Variants in ABCB4 observed in about 807,000 individuals in gnomAD.
ABCB4 encodes the protein phosphatidylcholine translocator ABCB4.
In ABCB4, 76 loss-of-function variants were observed where a neutral mutation model predicts 145.7. The ratio of observed to expected loss-of-function variants is 0.52; its 90% CI spans 0.43 to 0.63. The LOEUF is 0.63. Ranked by LOEUF, ABCB4 falls within the 30% of genes least tolerant of loss-of-function variation. The pLI, the probability that ABCB4 is intolerant of heterozygous loss-of-function variation, is 0.00. For missense variants in ABCB4, 1,234 were observed against 1,553.1 expected (o/e 0.79, Z 3.45); for synonymous variants, 517 against 566.8 (o/e 0.91, Z 1.25).
chr7:87,409,207 C>G, intron 24 of ABCB4, 29 bp downstream of exon 24: 1 of 1,613,570 alleles, frequency 6.2e-7, no homozygotes, highest in East Asian at 2.2e-5. Context: ...AAAAATTGAT[C>G]AAGCATCATC....
the ABCB4 span, among the ~76,000 whole-genome samples, chr7:87,385,841 A>C: frequency 1.3e-5 from 2 of 152,088 alleles, no homozygotes; most frequent in African/African-American, 4.8e-5. Context: ...TATTGTTTTG[A>C]TGTATATTTC....
At chr7:87,457,852 A>T (rs893345407) in intron 4 of ABCB4, among the ~76,000 whole-genome samples, 2 of 152,212 alleles carry the variant, frequency 1.3e-5, no homozygotes, top group African/African-American at 4.8e-5. Context: ...TCTCAAAGTA[A>T]ATCAATGTCT....
At position 87,403,294 on chromosome 7, in the gene ABCB4, C is replaced by A; in HGVS notation, c.3487-13G>T. 1 of 1,610,772 alleles carries A rather than the reference C, an allele frequency of 6.2e-7. No homozygotes were observed. The highest frequency in any genetic ancestry group is 8.5e-7 in the Non-Finnish European group (1 of 1,177,070). ...TTGTTTCATATTTCTGCAAGTTAAC[C>A]AAATTATAAATATGTTGAATGAACT... On this transcript the variant is annotated splice_polypyrimidine_tract_variant and intron_variant, in intron 26 of 27. Transcript: ENST00000649586.
chr7:87,421,216 A>G (rs1809394679), intron 18 of ABCB4, among the ~76,000 whole-genome samples: 1 of 152,226 alleles, frequency 6.6e-6, no homozygotes, highest in African/African-American at 2.4e-5. Flanking sequence ...TGCCGAGGGC[A>G]CACGGGGGAG....
chr7:87,454,750 G>A (rs936791427), intron 4 of ABCB4, among the ~76,000 whole-genome samples, 158 bp from the exon 5 acceptor site: 1 of 152,156 alleles, frequency 6.6e-6, no homozygotes, highest in African/African-American at 2.4e-5. Flanking sequence ...ACACTTAAGT[G>A]CATTCTTTTC....
the ABCB4 span, among the ~76,000 whole-genome samples, chr7:87,366,454 T>A: frequency 6.6e-6 from 1 of 152,184 alleles, no homozygotes; most frequent in Non-Finnish European, 1.5e-5. Flanking sequence ...TTAGCTCCAG[T>A]GCCTGTCTTT....
chr7:87,440,904 C>T (rs45560434), intron 12 of ABCB4, among the ~76,000 whole-genome samples: 1 of 152,062 alleles, frequency 6.6e-6, no homozygotes, highest in African/African-American at 2.4e-5. Context: ...CCATGCCCGG[C>T]TAATTTTCTG....
intron 7 of ABCB4, 31 bp from the exon 8 acceptor site, chr7:87,450,123 G>A (rs1811613878): frequency 1.2e-6 from 2 of 1,612,998 alleles, no homozygotes; most frequent in African/African-American, 2.7e-5. Context: ...GATCACTTTT[G>A]TATAGGGAGA....
At chr7:87,430,996 G>A (rs928490130) in intron 15 of ABCB4, among the ~76,000 whole-genome samples, 5 of 152,082 alleles carry the variant, frequency 3.3e-5, no homozygotes, top group East Asian at 3.8e-4. Context: ...TGGAAAAGGC[G>A]GTCACTTGTC....
chr7:87,472,577 G>T, intron 3 of ABCB4, 44 bp downstream of exon 3: 2 of 1,500,314 alleles, frequency 1.3e-6, no homozygotes, highest in South Asian at 2.3e-5. Context: ...CCTCAAATTT[G>T]AATAAAAGGT....
intron 16 of ABCB4, among the ~76,000 whole-genome samples, 185 bp from the exon 17 acceptor site, chr7:87,424,237 T>C (rs903108632): frequency 1.3e-5 from 2 of 152,176 alleles, no homozygotes; most frequent in Non-Finnish European, 2.9e-5. Flanking sequence ...TGATTACACA[T>C]CATAAGCTGA....
At chr7:87,431,367 G>A (rs1810208006) in intron 15 of ABCB4, 37 bp downstream of exon 15, 1 of 1,613,270 alleles carries the variant, frequency 6.2e-7, no homozygotes, top group Non-Finnish European at 8.5e-7. Context: ...CTATATTGAG[G>A]AGCAAATAGC....
At chr7:87,429,344 A>T (rs1234331772) in intron 15 of ABCB4, among the ~76,000 whole-genome samples, 1 of 152,232 alleles carries the variant, frequency 6.6e-6, no homozygotes, top group African/African-American at 2.4e-5. Flanking sequence ...ACAAAACCCA[A>T]TTTGGTTAAA....
intron 27 of ABCB4, among the ~76,000 whole-genome samples, 171 bp downstream of exon 27, chr7:87,402,964 C>T (rs1407032102): frequency 6.6e-6 from 1 of 152,166 alleles, no homozygotes; most frequent in Non-Finnish European, 1.5e-5. Flanking sequence ...CGCCACTGCA[C>T]TACAGCCTAG....
the ABCB4 span, among the ~76,000 whole-genome samples, chr7:87,379,910 G>A: frequency 2.6e-5 from 4 of 152,146 alleles, no homozygotes; most frequent in East Asian, 7.7e-4. Flanking sequence ...CAGCAGTTCA[G>A]CACCAGCTTG....
At chr7:87,380,481 T>A in the ABCB4 span, among the ~76,000 whole-genome samples, 1 of 72,708 alleles carries the variant, frequency 1.4e-5, no homozygotes, top group Non-Finnish European at 3.7e-5. Context: ...ATGAGGCAGT[T>A]TAATTAGAAA....
rs45569244 is a variant in ABCB4 at position 87,419,421 on chromosome 7, T to C, written c.2394+577A>G. 1.0e-3 allele frequency among the ~76,000 whole-genome samples: 156 copies of C among 152,294 alleles called. 1 individual carries two copies. The East Asian group carries it at 0.028, about 28-fold the overall frequency. ...TATGTCAGGCACTAGAATGTGAACT[T>C]ACGAGGAGAGCAAATAATGGATTAT... On this transcript the variant is annotated intron_variant, in intron 19 of 27. Coordinates refer to ENST00000649586, the MANE Select transcript of ABCB4 (RefSeq NM_000443.4).
downstream of ABCB4, chr7:87,398,279 T>C: frequency 1.6e-6 from 1 of 644,992 alleles, no homozygotes; most frequent in Non-Finnish European, 2.9e-6. Context: ...TTCAGAGCAC[T>C]CTAGGGCTCT....
At chr7:87,410,370 T>C (rs1355594529) in intron 23 of ABCB4, among the ~76,000 whole-genome samples, 1 of 152,074 alleles carries the variant, frequency 6.6e-6, no homozygotes, top group Non-Finnish European at 1.5e-5. Context: ...GGATGAGAGG[T>C]ATAGTAAAAC....
Sources: gnomAD v4.1 joint callset for allele counts (sites outside exome capture counted in the v4.1 genomes callset) on GRCh38, gnomAD v4.1.1 for gene constraint, MANE v1.5 for transcripts, NCBI Gene and HGNC (gene_info 2026-07-23, HGNC 2026-07-21) for gene names.